PRKAR1A: variants seen among roughly 807,000 people sequenced by gnomAD.
PRKAR1A encodes the protein protein kinase cAMP-dependent type I regulatory subunit alpha.
A neutral mutation model predicts 52.0 loss-of-function variants in PRKAR1A; 3 were observed. The observed-to-expected ratio is 0.06, with a 90% CI of 0.03 to 0.15. The LOEUF is 0.15. Among genes scored for constraint, PRKAR1A ranks in the 10% least tolerant of loss-of-function variants. PRKAR1A has a pLI of 1.00. For synonymous variants in PRKAR1A, 188 were observed against 168.4 expected (o/e 1.12, Z -0.90); for missense variants, 240 against 477.4 (o/e 0.50, Z 4.63).
the PRKAR1A span, among the ~76,000 whole-genome samples, chr17:68,445,343 T>A: frequency 6.6e-6 from 1 of 152,216 alleles, no homozygotes; most frequent in African/African-American, 2.4e-5. Flanking sequence ...GTCTCCCTCC[T>A]ATATAAAAAT....
At chr17:68,489,970 TAGAG>T in the PRKAR1A span, among the ~76,000 whole-genome samples, 1 of 152,202 alleles carries the variant, frequency 6.6e-6, no homozygotes, top group East Asian at 1.9e-4. Flanking sequence ...TCTTTTCTTT[TAGAG>T]AGAGGGAATG....
At chr17:68,536,475 C>T, downstream of PRKAR1A, 6 of 454,128 alleles carry the variant, frequency 1.3e-5, no homozygotes, top group South Asian at 9.3e-5. Flanking sequence ...ACTACACTTT[C>T]TTCTAAGGGA....
the PRKAR1A span, among the ~76,000 whole-genome samples, chr17:68,418,557 T>G: frequency 6.6e-6 from 1 of 152,206 alleles, no homozygotes; most frequent in Admixed American, 6.5e-5. Context: ...CCTAAATATT[T>G]CAAATTTTAT....
At chr17:68,535,855 A>G, downstream of PRKAR1A, 4 of 453,844 alleles carry the variant, frequency 8.8e-6, no homozygotes, top group South Asian at 6.2e-5. Context: ...TGGGTGGGAT[A>G]CTGTTGGGTT....
At chr17:68,433,813 C>G in the PRKAR1A span, among the ~76,000 whole-genome samples, 18 of 116,162 alleles carry the variant, frequency 1.5e-4, no homozygotes, top group Admixed American at 8.7e-4. Flanking sequence ...CAGAGTCTCT[C>G]GCTCTGTTGC....
chr17:68,525,609 TCTC>T (rs2085764771), intron 6 of PRKAR1A, 142 bp from the exon 7 acceptor site: 1 of 827,878 alleles, frequency 1.2e-6, no homozygotes, highest in Non-Finnish European at 2.0e-6. Flanking sequence ...CACCTATTCT[TCTC>T]TGTTGTGTAC....
chr17:68,489,882 G>T, the PRKAR1A span, among the ~76,000 whole-genome samples: 65 of 152,246 alleles, frequency 4.3e-4, no homozygotes, highest in African/African-American at 1.6e-3. Context: ...CTCCAAAGAG[G>T]TGTGGGGTAT....
chr17:68,420,343 T>C, the PRKAR1A span: 1 of 1,614,160 alleles, frequency 6.2e-7, no homozygotes, highest in South Asian at 1.1e-5. Context: ...GAAAGGTTCT[T>C]GCAGACGTCC....
At chr17:68,480,312 T>A in the PRKAR1A span, among the ~76,000 whole-genome samples, 1 of 152,190 alleles carries the variant, frequency 6.6e-6, no homozygotes, top group African/African-American at 2.4e-5. Flanking sequence ...GTGCTATTTA[T>A]GAGAATCCCT....
chr17:68,427,072 C>T, the PRKAR1A span: 28 of 1,370,456 alleles, frequency 2.0e-5, no homozygotes, highest in African/African-American at 2.9e-4. Flanking sequence ...AGGGAGCGTG[C>T]AGGGAGAAGG....
chr17:68,529,593 A>G (rs564624102), intron 9 of PRKAR1A, among the ~76,000 whole-genome samples: 1 of 152,376 alleles, frequency 6.6e-6, no homozygotes, highest in East Asian at 1.9e-4. Context: ...GTGCAAAAGC[A>G]GCCACAAATA....
At chr17:68,522,979 T>A in intron 3 of PRKAR1A, 53 bp downstream of exon 3, 1 of 1,595,824 alleles carries the variant, frequency 6.3e-7, no homozygotes. Flanking sequence ...CACTTGGTGG[T>A]CATCTAGTCT....
chr17:68,540,927 C>T, intron 11 of PRKAR1A: 1 of 1,599,990 alleles, frequency 6.3e-7, no homozygotes, highest in Non-Finnish European at 8.5e-7. Flanking sequence ...ATCTGTTTCA[C>T]TGTGTCACAG....
chr17:68,426,254 G>GGGGGGGGGGGGCCCCCCCCCCCC, the PRKAR1A span: 1 of 816,924 alleles, frequency 1.2e-6, no homozygotes, highest in Non-Finnish European at 1.9e-6. Flanking sequence ...GGGAGCGGGG[G>GGGGGGGGGGGGCCCCCCCCCCCC]CTCAAATAAA....
the PRKAR1A span, chr17:68,448,292 A>G: frequency 1.3e-5 from 2 of 152,240 alleles, no homozygotes; most frequent in African/African-American, 4.8e-5. Context: ...CAAACCCCCA[A>G]TACTTCCCAG....
At chr17:68,537,174 T>G, downstream of PRKAR1A, 1 of 564,496 alleles carries the variant, frequency 1.8e-6, no homozygotes. This position sits in a 1 kb window ranked among gnomAD's most constrained non-coding sequence, Gnocchi z 4.2. Flanking sequence ...TCTCCTGGGA[T>G]CAAGGCTGCC....
chr17:68,454,738 G>A, the PRKAR1A span, among the ~76,000 whole-genome samples: 9 of 152,282 alleles, frequency 5.9e-5, no homozygotes, highest in African/African-American at 1.2e-4. Flanking sequence ...GTTTGGCTGC[G>A]AAATGAGGTT....
At chr17:68,550,396 T>TA (rs371608462) in intron 11 of PRKAR1A, among the ~76,000 whole-genome samples, 2 of 137,970 alleles carry the variant, frequency 1.4e-5, no homozygotes, top group East Asian at 2.1e-4. Context: ...TTTTTTTTTT[T>TA]AAGATAGAGA....
downstream of PRKAR1A, chr17:68,536,504 G>A (rs1374564342): frequency 2.2e-6 from 1 of 454,106 alleles, no homozygotes; most frequent in East Asian, 6.9e-5. Flanking sequence ...TAAAAAACCT[G>A]ACTTAGTCTT....
Sources: allele counts gnomAD v4.1 joint callset (sites outside exome capture counted in the v4.1 genomes callset), GRCh38; gene constraint gnomAD v4.1.1; non-coding constraint Gnocchi (gnomAD v3.1); transcripts MANE v1.5; gene names NCBI Gene and HGNC (gene_info 2026-07-23, HGNC 2026-07-21).